Variants in SEMA5A observed in about 807,000 individuals in gnomAD.
SEMA5A encodes the protein semaphorin-5A.
In SEMA5A, 55 loss-of-function variants were observed where a neutral mutation model predicts 135.5. The ratio of observed to expected loss-of-function variants is 0.41; its 90% CI spans 0.33 to 0.51. The LOEUF (loss-of-function observed/expected upper bound fraction) is 0.51. SEMA5A is among the 20% of genes least tolerant of loss of function. SEMA5A has a pLI of 0.37. For synonymous variants in SEMA5A, 580 were observed against 546.5 expected, an observed-to-expected ratio of 1.06 and a Z score of -0.85; for missense variants, 1,290 against 1,419.9, an observed-to-expected ratio of 0.91 and a Z score of 1.47.
At chr5:9,075,177 T>A (rs969899500) in intron 16 of SEMA5A, among the ~76,000 whole-genome samples, 1 of 152,264 alleles carries the variant, frequency 6.6e-6, no homozygotes, top group African/African-American at 2.4e-5. Context: ...CTGTTTTCTA[T>A]GCAGTAACTC....
intron 8 of SEMA5A, among the ~76,000 whole-genome samples, chr5:9,222,809 G>C (rs146437562): frequency 6.6e-6 from 1 of 152,198 alleles, no homozygotes; most frequent in Non-Finnish European, 1.5e-5. Context: ...GACGCTGACC[G>C]ATACTGACCA....
At chr5:9,325,678 A>G (rs764246178) in intron 4 of SEMA5A, among the ~76,000 whole-genome samples, 13 of 152,164 alleles carry the variant, frequency 8.5e-5, no homozygotes, top group Non-Finnish European at 1.6e-4. Context: ...CATCATGAGC[A>G]TATTAACTAA....
intron 5 of SEMA5A, among the ~76,000 whole-genome samples, chr5:9,299,273 C>G (rs551179857): frequency 6.6e-6 from 1 of 152,144 alleles, no homozygotes; most frequent in South Asian, 2.1e-4. Context: ...GAAGAAGGAG[C>G]CTGGCATTAG....
chr5:9,208,691 A>G (rs1746182493), intron 8 of SEMA5A, among the ~76,000 whole-genome samples: 2 of 152,228 alleles, frequency 1.3e-5, no homozygotes, highest in African/African-American at 4.8e-5. Context: ...TCAGGATCAA[A>G]GAGATCAACA....
chr5:9,293,933 C>T (rs910842356), intron 5 of SEMA5A, among the ~76,000 whole-genome samples: 4 of 152,184 alleles, frequency 2.6e-5, no homozygotes, highest in Non-Finnish European at 5.9e-5. Context: ...GCAATTGGTT[C>T]CTTTCTTTGT....
chr5:9,296,223 G>C (rs1163636008), intron 5 of SEMA5A, among the ~76,000 whole-genome samples: 1 of 152,162 alleles, frequency 6.6e-6, no homozygotes, highest in African/African-American at 2.4e-5. Context: ...AAGGCTATTA[G>C]TGTATAAAAT....
chr5:9,357,689 C>T (rs1291756096), intron 3 of SEMA5A, among the ~76,000 whole-genome samples: 2 of 152,122 alleles, frequency 1.3e-5, no homozygotes, highest in Non-Finnish European at 2.9e-5. Context: ...ATCCAACAAG[C>T]TAAACTTTAC....
At chr5:9,075,085 G>T (rs1486028643) in intron 16 of SEMA5A, among the ~76,000 whole-genome samples, 3 of 152,050 alleles carry the variant, frequency 2.0e-5, no homozygotes, top group Non-Finnish European at 4.4e-5. Flanking sequence ...AAATACAATA[G>T]AAATGTTTTG....
At chr5:9,336,718 C>A (rs1753406367) in intron 4 of SEMA5A, among the ~76,000 whole-genome samples, 1 of 152,082 alleles carries the variant, frequency 6.6e-6, no homozygotes, top group Non-Finnish European at 1.5e-5. Context: ...GATCCAAGAG[C>A]AAAAGCAACG....
At chr5:9,197,784 G>GTGTGTGTGTGTGTGTGTGT (rs1554001604) in intron 9 of SEMA5A, among the ~76,000 whole-genome samples, 2 of 108,644 alleles carry the variant, frequency 1.8e-5, no homozygotes, top group Non-Finnish European at 3.5e-5. Flanking sequence ...GTGTGTGTGT[G>GTGTGTGTGTGTGTGTGTGT]TTTTAACCCA....
At chr5:9,154,081 A>G (rs1257278728) in intron 12 of SEMA5A, among the ~76,000 whole-genome samples, 747 of 69,234 alleles carry the variant, frequency 0.011, 24 homozygotes, top group Middle Eastern at 0.02. Flanking sequence ...ATATATATAT[A>G]TATATATATA....
chr5:9,322,188 A>G (rs1752659543), intron 4 of SEMA5A, among the ~76,000 whole-genome samples: 1 of 152,186 alleles, frequency 6.6e-6, no homozygotes, highest in African/African-American at 2.4e-5. Flanking sequence ...TCTTCTGATC[A>G]TTATTTTTCT....
chr5:9,109,028 A>ATTTTTTTTTTTTTT lies in SEMA5A; in HGVS notation c.1926-755_1926-742dup, dbSNP rs67762219. On this transcript the variant is annotated intron_variant, in intron 15 of 22. Coordinates refer to ENST00000382496, the MANE Select transcript of SEMA5A (RefSeq NM_003966.3). ...TCATGAGTCATATTATTTCTCTTCA[A>ATTTTTTTTTTTTTT]TTTTTTTTTTTTTTTTTTTTTTTTT... 6.5e-4 allele frequency among the ~76,000 whole-genome samples: 60 copies of ATTTTTTTTTTTTTT among 92,440 alleles called. 6 individuals carry two copies. The highest frequency in any genetic ancestry group is 8.8e-4 in the South Asian group (2 of 2,278). 60.6% of individuals were successfully genotyped at this position (92,440 alleles called of 152,430 possible). A position where few individuals can be genotyped will look rare whatever the true frequency, so the allele number is the denominator to read the frequency against.
intron 11 of SEMA5A, among the ~76,000 whole-genome samples, chr5:9,179,160 A>G (rs145864042): frequency 7.5e-4 from 114 of 152,340 alleles, no homozygotes; most frequent in African/African-American, 2.7e-3. Context: ...AGGTTTGGGA[A>G]CAGGAATCCA....
At chr5:9,538,286 GC>G (rs1237562060) in intron 1 of SEMA5A, among the ~76,000 whole-genome samples, 1 of 151,896 alleles carries the variant, frequency 6.6e-6, no homozygotes, top group African/African-American at 2.4e-5. Context: ...GGGGAGGTGC[GC>G]GGGGTGGGAA....
intron 11 of SEMA5A, among the ~76,000 whole-genome samples, chr5:9,158,020 T>G (rs1743049287): frequency 6.6e-6 from 1 of 152,218 alleles, no homozygotes. Flanking sequence ...GGAAAAGAAC[T>G]ATGTCAGTTG....
intron 16 of SEMA5A, among the ~76,000 whole-genome samples, chr5:9,083,548 G>T (rs1214463037): frequency 6.6e-6 from 1 of 151,840 alleles, no homozygotes; most frequent in East Asian, 1.9e-4. Context: ...ACACAGTTAT[G>T]ATAATCAAAA....
At chr5:9,168,921 A>T (rs560089103) in intron 11 of SEMA5A, among the ~76,000 whole-genome samples, 81 of 152,282 alleles carry the variant, frequency 5.3e-4, no homozygotes, top group African/African-American at 1.8e-3. Flanking sequence ...TGCATTAACC[A>T]TTACCCAAAG....
Position 9,044,597 on chromosome 5 carries a change from G to A in SEMA5A, c.2894-13C>T. ...AACATGTTGAACTCTAGGGAGACAT[G>A]AGCAAAGTGATGCCACACTTGAAAA... On this transcript the variant is annotated splice_polypyrimidine_tract_variant and intron_variant, in intron 21 of 22. Transcript: ENST00000382496. 3.1e-6 allele frequency: 5 copies of A among 1,609,490 alleles called. No homozygotes were observed. The highest frequency in any genetic ancestry group is 1.3e-5 in the African/African-American group (1 of 74,938).
Sources: allele counts gnomAD v4.1 joint callset (sites outside exome capture counted in the v4.1 genomes callset), GRCh38; gene constraint gnomAD v4.1.1; transcripts MANE v1.5; gene names NCBI Gene and HGNC (gene_info 2026-07-23, HGNC 2026-07-21).